The following RAB40B variants were observed in gnomAD, a reference collection of about 807,000 sequenced individuals.
The protein encoded by RAB40B is ras-related protein Rab-40B.
Under a neutral mutation model 24.0 loss-of-function variants are expected in RAB40B, and 21 were observed. The observed-to-expected ratio is 0.88, with a 90% CI of 0.62 to 1.26. RAB40B has a LOEUF of 1.26. Ranked by LOEUF, RAB40B falls within the 50% of genes most tolerant of loss-of-function variation. RAB40B has a pLI of 0.00. For missense variants in RAB40B, 348 were observed against 390.5 expected (o/e 0.89, Z 0.92); for synonymous variants, 167 against 169.8 (o/e 0.98, Z 0.13).
chr17:82,671,327 GCT>G (rs1471200867), intron 1 of RAB40B, among the ~76,000 whole-genome samples: 3,239 of 110,298 alleles, frequency 0.029, no homozygotes, highest in African/African-American at 0.096. Flanking sequence ...ACACTCACAC[GCT>G]CTCTGTACTG....
At position 82,695,269 on chromosome 17, in the gene RAB40B, T is replaced by C. The variant is rs368721257; in HGVS notation, c.142+3186A>G. Among the ~76,000 whole-genome samples, 157 of 151,014 alleles carry C rather than the reference T, an allele frequency of 1.0e-3. 7 individuals carry two copies. Among genetic ancestry groups the C allele is most frequent in the African/African-American group, 3.7e-3 (149 of 40,706 alleles). On this transcript the variant is annotated intron_variant, in intron 1 of 5. Transcript: ENST00000571995. ...TGCAATGGTGTGATCTCAGCTCACT[T>C]CACCCTCCACCTCCTGGGTTCCAGC...
Position 82,667,240 on chromosome 17 carries a change from G to A in RAB40B, c.143-2684C>T, listed in dbSNP as rs1159015540. 6.6e-6 allele frequency among the ~76,000 whole-genome samples: 1 copy of A among 152,238 alleles called. No homozygotes were observed. Among genetic ancestry groups the A allele is most frequent in the African/African-American group, 2.4e-5 (1 of 41,474 alleles). On this transcript the variant is annotated intron_variant, in intron 1 of 5. Transcript: ENST00000571995. This position sits in a 1 kb window ranked among gnomAD's most constrained non-coding sequence, Gnocchi z 4.3. ...CCTGCATCCCAGGAGGCAGTGTGCC[G>A]AGTTCCTGGTCTCCTGTCGGGCAGA... is the stretch of plus-strand genomic sequence containing the variant.
chr17:82,689,266 G>A (rs749069278), intron 1 of RAB40B, among the ~76,000 whole-genome samples: 46 of 152,368 alleles, frequency 3.0e-4, no homozygotes, highest in Middle Eastern at 6.8e-3. Context: ...GCAGGACTGC[G>A]GGTCTGCCTG....
chr17:82,665,258 C>CTT (rs11326382), intron 1 of RAB40B, among the ~76,000 whole-genome samples: 1 of 143,262 alleles, frequency 7.0e-6, no homozygotes, highest in Non-Finnish European at 1.5e-5. Flanking sequence ...CTTTCTTCTT[C>CTT]TTTTTTTTTT....
At chr17:82,661,287 C>CG in intron 2 of RAB40B, 1 of 1,292,100 alleles carries the variant, frequency 7.7e-7, no homozygotes, top group Non-Finnish European at 9.8e-7. Flanking sequence ...AAAATAGTGA[C>CG]GGTTTTAACA....
rs561540574 is a variant in RAB40B at position 82,676,206 on chromosome 17, C to T, written c.143-11650G>A. 2.0e-5 allele frequency among the ~76,000 whole-genome samples: 3 copies of T among 152,264 alleles called. No individual in the cohort carries two copies. The East Asian group carries it at 5.8e-4, about 30-fold the overall frequency. On this transcript the variant is annotated intron_variant, in intron 1 of 5. Coordinates refer to ENST00000571995, the MANE Select transcript of RAB40B (RefSeq NM_006822.3). The stretch of plus-strand genomic sequence containing the variant: ...GTCAGCTCAGCAAAGGCTCCAACTC[C>T]TCCCCAAACCTCTGTGGTCACACAC...
rs531228186 is a variant in RAB40B at position 82,692,320 on chromosome 17, G to A, written c.142+6135C>T. On this transcript the variant is annotated intron_variant, in intron 1 of 5. Coordinates refer to ENST00000571995, the MANE Select transcript of RAB40B (RefSeq NM_006822.3). This position sits in a 1 kb window ranked among gnomAD's most constrained non-coding sequence, Gnocchi z 4.0. ...ACAGGGTCCAAGATCCAAGAACTCTGCCCTGCAACTACAGACCGAGAGGAA... is the reference window on the plus strand; with the variant it reads ...ACAGGGTCCAAGATCCAAGAACTCTACCCTGCAACTACAGACCGAGAGGAA... 1.4e-4 allele frequency among the ~76,000 whole-genome samples: 22 copies of A among 152,190 alleles called. No homozygotes were observed. The highest frequency in any genetic ancestry group is 2.9e-4 in the Non-Finnish European group (20 of 68,044).
rs1253128428 is a variant in RAB40B at position 82,663,796 on chromosome 17, G to T, written c.203+700C>A. Among the ~76,000 whole-genome samples the T allele has an allele frequency of 6.6e-6, 1 of 152,154 alleles. No homozygotes were observed. Among genetic ancestry groups the T allele is most frequent in the Non-Finnish European group, 1.5e-5 (1 of 68,022 alleles). ...AACCACGCTGCATCGGTCCCCTCTT[G>T]GCATCTTCCCACAGACACCAGGCCA... On this transcript the variant is annotated intron_variant, in intron 2 of 5. Coordinates refer to ENST00000571995, the MANE Select transcript of RAB40B (RefSeq NM_006822.3). This position sits in a 1 kb window ranked among gnomAD's most constrained non-coding sequence, Gnocchi z 6.2.
At position 82,663,106 on chromosome 17, in the gene RAB40B, G is replaced by A. The variant is rs1022834138; in HGVS notation, c.203+1390C>T. On this transcript the variant is annotated intron_variant, in intron 2 of 5. Coordinates refer to ENST00000571995, the MANE Select transcript of RAB40B (RefSeq NM_006822.3). This position sits in a 1 kb window ranked among gnomAD's most constrained non-coding sequence, Gnocchi z 6.2. ...ACGGCAACCCCAACGCCAGCCCAGC[G>A]AGGGCATGGCCCCGGGGGAGTGGGG... is the stretch of plus-strand genomic sequence containing the variant. Among the ~76,000 whole-genome samples, 4 of 152,170 alleles carry A rather than the reference G, an allele frequency of 2.6e-5. No individual in the cohort carries two copies. Among genetic ancestry groups the A allele is most frequent in the Admixed American group, 6.5e-5 (1 of 15,288 alleles).
At chr17:82,687,797 C>A (rs1005714452) in intron 1 of RAB40B, among the ~76,000 whole-genome samples, 2 of 152,304 alleles carry the variant, frequency 1.3e-5, no homozygotes, top group East Asian at 1.9e-4. Flanking sequence ...CCCAGCCAGG[C>A]GCGGTGGCTC....
intron 3 of RAB40B, among the ~76,000 whole-genome samples, chr17:82,660,756 C>T (rs535066863): frequency 1.3e-5 from 2 of 152,352 alleles, no homozygotes; most frequent in African/African-American, 4.8e-5. Context: ...CCTGCACACA[C>T]GTGTACATGC....
At chr17:82,686,500 C>A (rs185596346) in intron 1 of RAB40B, among the ~76,000 whole-genome samples, 10 of 152,302 alleles carry the variant, frequency 6.6e-5, no homozygotes, top group African/African-American at 2.4e-4. Context: ...CTTATAAGCA[C>A]AGAGAGATTT....
rs181667771 is a variant in RAB40B at position 82,686,436 on chromosome 17, G to T, written c.142+12019C>A. ...CAAGGGTCTTTTCAGATGTAATCAA[G>T]TTAAGATGAGGTCATACTGAGTTAG... On this transcript the variant is annotated intron_variant, in intron 1 of 5. Coordinates refer to ENST00000571995, the MANE Select transcript of RAB40B (RefSeq NM_006822.3). Among the ~76,000 whole-genome samples, 287 of 152,334 alleles carry T rather than the reference G, an allele frequency of 1.9e-3. 1 individual carries two copies. The highest frequency in any genetic ancestry group is 4.7e-3 in the Admixed American group (72 of 15,296).
chr17:82,660,215 G>GCA (rs577872632), intron 3 of RAB40B, among the ~76,000 whole-genome samples: 1 of 151,954 alleles, frequency 6.6e-6, no homozygotes, highest in African/African-American at 2.4e-5. Flanking sequence ...ATGCACAGAT[G>GCA]CACACACAGT....
At chr17:82,676,694 C>A (rs2143516051) in intron 1 of RAB40B, among the ~76,000 whole-genome samples, 1 of 152,224 alleles carries the variant, frequency 6.6e-6, no homozygotes, top group East Asian at 1.9e-4. Flanking sequence ...ATGGCGTGAT[C>A]TCAACTCACT....
intron 1 of RAB40B, among the ~76,000 whole-genome samples, chr17:82,680,365 G>T (rs976431653): frequency 2.0e-5 from 3 of 152,200 alleles, no homozygotes; most frequent in Non-Finnish European, 2.9e-5. Context: ...GGCTCTGGGC[G>T]GGGCCGCTCG....
At chr17:82,679,626 C>G (rs2046429699) in intron 1 of RAB40B, among the ~76,000 whole-genome samples, 1 of 152,226 alleles carries the variant, frequency 6.6e-6, no homozygotes. Flanking sequence ...ACACTAAACT[C>G]CCAAAAGGTG....
chr17:82,660,555 TACAC>T (rs373058507), intron 3 of RAB40B, among the ~76,000 whole-genome samples: 66 of 144,664 alleles, frequency 4.6e-4, no homozygotes, highest in East Asian at 1.0e-3. Context: ...CACACACGTG[TACAC>T]ACACACACGC....
At chr17:82,664,111 G>T (rs1437817452) in intron 2 of RAB40B, among the ~76,000 whole-genome samples, 20 of 141,258 alleles carry the variant, frequency 1.4e-4, no homozygotes, top group Non-Finnish European at 2.7e-4. Context: ...ATGTTGGTGG[G>T]GGGAGGGTGC....
Sources: allele counts gnomAD v4.1 joint callset (sites outside exome capture counted in the v4.1 genomes callset), GRCh38; gene constraint gnomAD v4.1.1; non-coding constraint Gnocchi (gnomAD v3.1); transcripts MANE v1.5; gene names NCBI Gene and HGNC (gene_info 2026-07-23, HGNC 2026-07-21).